Variants in PLAA observed in about 807,000 individuals in gnomAD.
PLAA encodes phospholipase A2 activating protein.
Under a neutral mutation model 84.1 loss-of-function variants are expected in PLAA, and 48 were observed. The ratio of observed to expected loss-of-function variants is 0.57; its 90% CI spans 0.45 to 0.73. The LOEUF is 0.73. Ranked by LOEUF, PLAA falls within the 30% of genes least tolerant of loss-of-function variation. The pLI is 0.00. For synonymous variants in PLAA, 392 were observed against 336.6 expected (o/e 1.16, Z -1.80); for missense variants, 903 against 954.7 (o/e 0.95, Z 0.71).
Position 26,947,098 on chromosome 9 carries a change from C to T in PLAA, c.-53G>A. ...CCAGGCACTGTGCGAGACCAGTCCG[C>T]AGGGGCGACTCGGAGAGCGCCGGGC... is the stretch of plus-strand genomic sequence containing the variant. On this transcript the variant is annotated 5_prime_UTR_variant, in exon 1 of 14. Transcript: ENST00000397292. The T allele has an allele frequency of 7.0e-7, 1 of 1,437,242 alleles. No homozygotes were observed. The highest frequency in any genetic ancestry group is 9.1e-7 in the Non-Finnish European group (1 of 1,093,112). The allele number at this position is 1,437,242 out of a possible 1,614,324, so 89.0% of individuals were successfully genotyped here.
At chr9:26,925,337 C>T (rs535842972) in intron 6 of PLAA, among the ~76,000 whole-genome samples, 134 of 152,308 alleles carry the variant, frequency 8.8e-4, no homozygotes, top group African/African-American at 2.9e-3. Context: ...AAAGGTTCTC[C>T]ACAGTTAAGC....
In PLAA at chr9:26,904,597, G is replaced by A. The variant is rs1441345090; in HGVS notation, c.*914C>T. On this transcript the variant is annotated 3_prime_UTR_variant, in exon 14 of 14. Transcript: ENST00000397292. ...TGGCCCTCATTTAAAGGGGTTTTAA[G>A]GATTAAATATCAGTGTGTCTACTAT... is the stretch of plus-strand genomic sequence containing the variant. The A allele has an allele frequency of 1.3e-5, 2 of 151,922 alleles. No individual in the cohort carries two copies. Among genetic ancestry groups the A allele is most frequent in the African/African-American group, 4.8e-5 (2 of 41,366 alleles). The allele number at this position is 151,922 out of a possible 1,614,324, so 9.4% of individuals were successfully genotyped here.
intron 2 of PLAA, among the ~76,000 whole-genome samples, chr9:26,932,954 G>A (rs978151438): frequency 1.3e-5 from 2 of 152,020 alleles, no homozygotes; most frequent in Admixed American, 1.3e-4. Flanking sequence ...GGCCAACATG[G>A]TGAAATCCCA....
rs991161290 is a variant in PLAA, at chr9:26,947,242, T to G, written c.-197A>C. 7 of 578,094 alleles carry G rather than the reference T, an allele frequency of 1.2e-5. No individual in the cohort carries two copies. Among genetic ancestry groups the G allele is most frequent in the Non-Finnish European group, 2.1e-5 (7 of 339,106 alleles). The allele number at this position is 578,094 out of a possible 1,614,324, so 35.8% of individuals were successfully genotyped here. Reference sequence around the variant, plus strand: ...AGCGGGCCGAGTGACACAGCAAGCCTGACAGGCACTCCGGAATTCATCATC... The same window carrying G: ...AGCGGGCCGAGTGACACAGCAAGCCGGACAGGCACTCCGGAATTCATCATC... On this transcript the variant is annotated 5_prime_UTR_variant, in exon 1 of 14. Transcript: ENST00000397292.
intron 4 of PLAA, among the ~76,000 whole-genome samples, chr9:26,927,359 G>A (rs1825007890): frequency 6.6e-6 from 1 of 152,028 alleles, no homozygotes. Context: ...ATGGCCCCAA[G>A]TGATCCACCC....
intron 11 of PLAA, among the ~76,000 whole-genome samples, chr9:26,912,187 T>TACTGTATTACTGTATTAAA (rs1294685414): frequency 1.6e-3 from 246 of 151,910 alleles, no homozygotes; most frequent in African/African-American, 5.7e-3. Context: ...CAAAATTAAA[T>TACTGTATTACTGTATTAAA]AAAAAAGAAA....
chr9:26,940,326 G>A lies in PLAA; in HGVS notation c.150-5120C>T, dbSNP rs147884882. On this transcript the variant is annotated intron_variant, in intron 1 of 13. Transcript: ENST00000397292. ...AAATTTTATTCAGCCTTAAAAAGGA[G>A]GGAAATTCTGACATATGCTACAACA... Among the ~76,000 whole-genome samples, 121 of 152,302 alleles carry A rather than the reference G, an allele frequency of 7.9e-4. 1 individual carries two copies. Among genetic ancestry groups the A allele is most frequent in the Middle Eastern group, 3.4e-3 (1 of 294 alleles).
At chr9:26,917,853 AAG>A (rs993630857) in intron 9 of PLAA, among the ~76,000 whole-genome samples, 18 of 152,212 alleles carry the variant, frequency 1.2e-4, no homozygotes, top group Admixed American at 1.0e-3. Flanking sequence ...TGAAAAAGTT[AAG>A]AGTCTCAGAA....
At position 26,907,880 on chromosome 9, in the gene PLAA, T is replaced by C. The variant is rs764425014; in HGVS notation, c.1776A>G (p.Thr592=). ...LICNSSSEKP[T]VQQLQILWKA... is the part of the protein sequence containing the mutation. ...TCCACAAAATCTGAAGTTGCTGGAC[T>C]GTGGGTTTTTCTGAAGAACTATTAC... Residue 592 remains threonine, a synonymous_variant, in exon 13 of 14, where the codon ACA becomes ACG. Coordinates refer to ENST00000397292, the MANE Select transcript of PLAA (RefSeq NM_001031689.3). The C allele has an allele frequency of 1.2e-6, 2 of 1,611,830 alleles. No homozygotes were observed. Among genetic ancestry groups the C allele is most frequent in the East Asian group, 2.2e-5 (1 of 44,806 alleles).
In PLAA at chr9:26,932,133, C is replaced by T. The variant is rs533702828; in HGVS notation, c.343+2880G>A. Among the ~76,000 whole-genome samples, 25 of 152,146 alleles carry T rather than the reference C, an allele frequency of 1.6e-4. No homozygotes were observed. The South Asian group carries it at 3.9e-3, about 24-fold the overall frequency. On this transcript the variant is annotated intron_variant, in intron 2 of 13. Coordinates refer to ENST00000397292, the MANE Select transcript of PLAA (RefSeq NM_001031689.3). ...AACAAACAAACAAAACAGATGTGGA[C>T]CTTATTTGGGTCAGAATTCAAATGA...
rs1824139988 is a variant in PLAA at position 26,903,434 on chromosome 9, G to A, written c.*2077C>T. ...TACCAAATATAAGTTTAAAAATCAG[G>A]TTATCAAAGAGTATGTATGATACAA... On this transcript the variant is annotated 3_prime_UTR_variant, in exon 14 of 14. Transcript: ENST00000397292. Among the ~76,000 whole-genome samples, 1 of 152,086 alleles carries A rather than the reference G, an allele frequency of 6.6e-6. No individual in the cohort carries two copies. The highest frequency in any genetic ancestry group is 2.4e-5 in the African/African-American group (1 of 41,416).
In PLAA at chr9:26,905,097, A is replaced by G. The variant is rs1228129827; in HGVS notation, c.*414T>C. On this transcript the variant is annotated 3_prime_UTR_variant, in exon 14 of 14. Transcript: ENST00000397292. ...ATCCTAAAACAAGACCTTGAAATGT[A>G]TCAGTGCTGTTCGAAGGATCTAGCA... is the stretch of plus-strand genomic sequence containing the variant. The G allele has an allele frequency of 1.3e-5, 2 of 154,762 alleles. No individual in the cohort carries two copies. Among genetic ancestry groups the G allele is most frequent in the East Asian group, 3.8e-4 (2 of 5,274 alleles). 9.6% of individuals were successfully genotyped at this position (154,762 alleles called of 1,614,324 possible). A position where few individuals can be genotyped will look rare whatever the true frequency, so the allele number is the denominator to read the frequency against.
intron 1 of PLAA, among the ~76,000 whole-genome samples, chr9:26,944,078 C>G (rs1026233237): frequency 2.6e-5 from 4 of 152,128 alleles, no homozygotes; most frequent in Non-Finnish European, 5.9e-5. Flanking sequence ...GTGATTAGAT[C>G]AAGAGGGTTC....
chr9:26,907,804 TG>T, intron 13 of PLAA, 29 bp downstream of exon 13: 1 of 1,564,918 alleles, frequency 6.4e-7, no homozygotes, highest in Non-Finnish European at 8.6e-7. Flanking sequence ...TCTTGCTTTC[TG>T]GTTACATTTT....
At chr9:26,931,284 T>A (rs1825174791) in intron 2 of PLAA, among the ~76,000 whole-genome samples, 1 of 152,108 alleles carries the variant, frequency 6.6e-6, no homozygotes, top group African/African-American at 2.4e-5. Flanking sequence ...CCAGTTGATG[T>A]GGAAAGATCT....
chr9:26,925,997 A>G (rs1399852562), intron 5 of PLAA, 37 bp from the exon 6 acceptor site: 49 of 1,547,074 alleles, frequency 3.2e-5, no homozygotes, highest in Non-Finnish European at 4.2e-5. Context: ...TAGTTTGAAT[A>G]AAATTAAGTA....
chr9:26,920,926 C>A (rs1049978476), intron 7 of PLAA, among the ~76,000 whole-genome samples: 1 of 151,988 alleles, frequency 6.6e-6, no homozygotes, highest in Non-Finnish European at 1.5e-5. Context: ...CTCTTGGCCC[C>A]CGACAGTGTA....
chr9:26,935,670 G>T (rs542817473), intron 1 of PLAA, among the ~76,000 whole-genome samples: 1 of 152,204 alleles, frequency 6.6e-6, no homozygotes, highest in Non-Finnish European at 1.5e-5. Flanking sequence ...AGTACAGCAT[G>T]TGTTTCTACA....
intron 5 of PLAA, among the ~76,000 whole-genome samples, 189 bp from the exon 6 acceptor site, chr9:26,926,149 C>A (rs1824951160): frequency 6.6e-6 from 1 of 152,172 alleles, no homozygotes; most frequent in African/African-American, 2.4e-5. Flanking sequence ...TCACATCTTA[C>A]AAAGTGTTTC....
Sources: gnomAD v4.1 joint callset for allele counts (sites outside exome capture counted in the v4.1 genomes callset) on GRCh38, gnomAD v4.1.1 for gene constraint, MANE v1.5 for transcripts, NCBI Gene and HGNC (gene_info 2026-07-23, HGNC 2026-07-21) for gene names.